The following ASTN1 variants were observed in gnomAD, a reference collection of about 807,000 sequenced individuals.
The protein encoded by ASTN1 is astrotactin 1, also known as astrotactin-1.
In ASTN1, 41 loss-of-function variants were observed where a neutral mutation model predicts 140.7. The observed-to-expected ratio is 0.29, with a 90% confidence interval of 0.23 to 0.38. The LOEUF (loss-of-function observed/expected upper bound fraction) is 0.38. Among genes scored for constraint, ASTN1 ranks in the 10% least tolerant of loss-of-function variants. The pLI, the probability that ASTN1 is intolerant of heterozygous loss-of-function variation, is 1.00. For synonymous variants in ASTN1, 640 were observed against 652.2 expected (o/e 0.98, Z 0.29); for missense variants, 1,479 against 1,678.8 (o/e 0.88, Z 2.08).
intron 8 of ASTN1, among the ~76,000 whole-genome samples, chr1:176,986,384 C>T (rs979391139): frequency 2.6e-5 from 4 of 152,198 alleles, no homozygotes; most frequent in Non-Finnish European, 2.9e-5. Context: ...GCCAGATTGA[C>T]GTACATTTCT....
chr1:177,067,754 A>G (rs1234203903), intron 1 of ASTN1, among the ~76,000 whole-genome samples: 1 of 152,196 alleles, frequency 6.6e-6, no homozygotes, highest in Non-Finnish European at 1.5e-5. Flanking sequence ...TTTCATAAAC[A>G]TAATGACAGG....
At position 176,864,219 on chromosome 1, in the gene ASTN1, C is replaced by T; in HGVS notation, c.*65G>A. On this transcript the variant is annotated 3_prime_UTR_variant, in exon 23 of 23. Transcript: ENST00000361833. ...TTAAAAAATATTAAAAATCCACAGA[C>T]CAACCCAGATGGATCCCTCCTCTTT... 1 of 1,565,228 alleles carries T rather than the reference C, an allele frequency of 6.4e-7. No individual in the cohort carries two copies.
At chr1:177,069,162 C>T (rs1016538311) in intron 1 of ASTN1, among the ~76,000 whole-genome samples, 2 of 152,068 alleles carry the variant, frequency 1.3e-5, no homozygotes, top group African/African-American at 4.8e-5. Context: ...TGAGAGTGAC[C>T]TATTGAAACT....
At chr1:176,928,737 T>C (rs1368397839) in intron 16 of ASTN1, among the ~76,000 whole-genome samples, 5 of 152,200 alleles carry the variant, frequency 3.3e-5, no homozygotes, top group Non-Finnish European at 5.9e-5. Flanking sequence ...CTTGGCAGGG[T>C]ATTATTTAAT....
intron 22 of ASTN1, among the ~76,000 whole-genome samples, chr1:176,867,353 T>G (rs1668163489): frequency 2.0e-5 from 3 of 147,550 alleles, no homozygotes; most frequent in Non-Finnish European, 3.0e-5. Context: ...AAGGAGGGGG[T>G]GGAGAGGGAG....
chr1:176,860,000 G>A (rs953184880), downstream of ASTN1, among the ~76,000 whole-genome samples: 4 of 152,198 alleles, frequency 2.6e-5, no homozygotes, highest in Admixed American at 2.0e-4. Context: ...TTGGTTCTTT[G>A]GCATGGTTAT....
intron 10 of ASTN1, 130 bp from the exon 11 acceptor site, chr1:176,957,958 C>A: frequency 8.4e-7 from 1 of 1,186,016 alleles, no homozygotes; most frequent in Non-Finnish European, 1.2e-6. Flanking sequence ...AATTGAAGAT[C>A]AACTATACTC....
At chr1:177,058,788 C>T (rs1012628464) in intron 2 of ASTN1, among the ~76,000 whole-genome samples, 34 of 149,158 alleles carry the variant, frequency 2.3e-4, no homozygotes, top group African/African-American at 7.7e-4. Context: ...TGCTCCCATC[C>T]CCCCAGCAGT....
At chr1:177,137,730 C>A (rs568355806) in intron 1 of ASTN1, among the ~76,000 whole-genome samples, 61 of 152,212 alleles carry the variant, frequency 4.0e-4, no homozygotes, top group Non-Finnish European at 8.1e-4. Flanking sequence ...CCAATGATAG[C>A]TGTCCAGCCA....
At chr1:176,867,689 T>C (rs1668174745) in intron 22 of ASTN1, among the ~76,000 whole-genome samples, 2 of 152,194 alleles carry the variant, frequency 1.3e-5, no homozygotes, top group Non-Finnish European at 2.9e-5. Context: ...ATAAACCTAA[T>C]TTTCCTCTTT....
chr1:176,966,915 C>T (rs992909678), intron 8 of ASTN1, among the ~76,000 whole-genome samples: 1 of 151,716 alleles, frequency 6.6e-6, no homozygotes, highest in African/African-American at 2.4e-5. Context: ...TTTGTAGATA[C>T]AGGTTTTATT....
At chr1:176,922,315 G>A (rs1168279028) in intron 16 of ASTN1, among the ~76,000 whole-genome samples, 2 of 150,046 alleles carry the variant, frequency 1.3e-5, no homozygotes, top group African/African-American at 5.1e-5. Flanking sequence ...CAGCCGTGCA[G>A]ACTTTGAATC....
At chr1:176,954,549 T>C (rs898977145) in intron 11 of ASTN1, among the ~76,000 whole-genome samples, 1 of 152,228 alleles carries the variant, frequency 6.6e-6, no homozygotes, top group Non-Finnish European at 1.5e-5. Flanking sequence ...GTGTAACTTA[T>C]AGCCACTACA....
At chr1:176,985,530 T>C (rs139439206) in intron 8 of ASTN1, among the ~76,000 whole-genome samples, 65 of 152,178 alleles carry the variant, frequency 4.3e-4, no homozygotes, top group African/African-American at 1.4e-3. Context: ...TGGATCAGAG[T>C]GCCTGAATGG....
At chr1:176,996,282 C>T (rs1674435901) in intron 8 of ASTN1, among the ~76,000 whole-genome samples, 1 of 121,362 alleles carries the variant, frequency 8.2e-6, no homozygotes, top group African/African-American at 3.1e-5. Context: ...CTCTCTCTCT[C>T]TCTCTCTCAC....
rs114167483 is a variant in ASTN1, at chr1:176,901,197, A to G, written c.2672-6367T>C. On this transcript the variant is annotated intron_variant, in intron 16 of 22. Transcript: ENST00000361833. ...TTTGGGTGCAAATAGGAATTCTTCA[A>G]AGATAACCTAGTTGCAGAGATTTGG... 5.6e-3 allele frequency among the ~76,000 whole-genome samples: 854 copies of G among 152,344 alleles called. 8 individuals are homozygous for G. The highest frequency in any genetic ancestry group is 0.019 in the African/African-American group (810 of 41,576).
intron 8 of ASTN1, among the ~76,000 whole-genome samples, chr1:177,013,501 T>C (rs1675394146): frequency 6.6e-6 from 1 of 152,132 alleles, no homozygotes; most frequent in Non-Finnish European, 1.5e-5. Context: ...TTATTGCTCT[T>C]CTCCAAACGC....
chr1:177,108,076 G>A (rs996963829), intron 1 of ASTN1, among the ~76,000 whole-genome samples: 12 of 152,100 alleles, frequency 7.9e-5, no homozygotes, highest in East Asian at 1.9e-4. Flanking sequence ...TCAGCCAGGC[G>A]TGGTGATTCA....
chr1:177,003,828 GA>G (rs144524635), intron 8 of ASTN1, among the ~76,000 whole-genome samples: 3,496 of 150,258 alleles, frequency 0.023, 137 homozygotes, highest in African/African-American at 0.081. Context: ...AAAAAAGAAA[GA>G]AAGAAAAGAA....
Sources: allele counts gnomAD v4.1 joint callset (sites outside exome capture counted in the v4.1 genomes callset), GRCh38; gene constraint gnomAD v4.1.1; transcripts MANE v1.5; gene names NCBI Gene and HGNC (gene_info 2026-07-23, HGNC 2026-07-21).